The following CSMD1 variants were observed in gnomAD, a reference collection of about 807,000 sequenced individuals.
The protein encoded by CSMD1 is CUB and sushi domain-containing protein 1.
CSMD1 carries 213 observed loss-of-function variants against 417.5 expected under a neutral mutation model. The ratio of observed to expected loss-of-function variants is 0.51; its 90% CI spans 0.46 to 0.57. The LOEUF (loss-of-function observed/expected upper bound fraction) is 0.57. CSMD1 is among the 20% of genes least tolerant of loss of function. The pLI is 0.00. For synonymous variants in CSMD1, 2,862 were observed against 1,736.8 expected, an observed-to-expected ratio of 1.65 and a Z score of -16.11; for missense variants, 6,923 against 4,529.7, an observed-to-expected ratio of 1.53 and a Z score of -15.17.
At chr8:4,815,920 G>C (rs1799180743) in intron 1 of CSMD1, among the ~76,000 whole-genome samples, 1 of 152,072 alleles carries the variant, frequency 6.6e-6, no homozygotes, top group Non-Finnish European at 1.5e-5. Context: ...CTAGGAAGTA[G>C]ATTTTAAACC....
chr8:3,213,857 C>CATAT lies in CSMD1; in HGVS notation c.4867+636_4867+639dup, dbSNP rs34087160. Among the ~76,000 whole-genome samples, 1,130 of 146,142 alleles carry CATAT rather than the reference C, an allele frequency of 7.7e-3. 7 individuals are homozygous for CATAT. The highest frequency in any genetic ancestry group is 0.015 in the African/African-American group (579 of 39,916). The stretch of plus-strand genomic sequence containing the variant: ...ATGTGTGTGTGTGTATATACATACA[C>CATAT]ATATATATATATATATATGAGATGG... On this transcript the variant is annotated intron_variant, in intron 30 of 69. Transcript: ENST00000635120.
intron 3 of CSMD1, among the ~76,000 whole-genome samples, chr8:4,364,322 G>C (rs975240813): frequency 7.9e-5 from 12 of 152,198 alleles, no homozygotes; most frequent in African/African-American, 2.4e-4. Context: ...GATAAGACTA[G>C]GGCCCTTAAA....
At chr8:4,969,973 C>T (rs533727699) in intron 1 of CSMD1, among the ~76,000 whole-genome samples, 8 of 151,542 alleles carry the variant, frequency 5.3e-5, no homozygotes, top group South Asian at 2.1e-4. Context: ...ATTTTACATA[C>T]GTACCATGCC....
chr8:3,695,622 A>G (rs573220406), intron 7 of CSMD1, among the ~76,000 whole-genome samples: 2 of 152,318 alleles, frequency 1.3e-5, no homozygotes, highest in African/African-American at 2.4e-5. Flanking sequence ...GTGTTTCACA[A>G]AAGCATCCAG....
chr8:3,932,368 C>G (rs1810210116), intron 5 of CSMD1, among the ~76,000 whole-genome samples: 1 of 150,542 alleles, frequency 6.6e-6, no homozygotes, highest in Non-Finnish European at 1.5e-5. Context: ...TGAATATAGG[C>G]ACTTGGGTGT....
At chr8:4,930,112 G>A (rs1239600012) in intron 1 of CSMD1, among the ~76,000 whole-genome samples, 4 of 152,172 alleles carry the variant, frequency 2.6e-5, no homozygotes, top group African/African-American at 9.7e-5. Context: ...CACTGTTTTT[G>A]TGTGACCTTA....
At chr8:3,812,565 C>G (rs74885270) in intron 5 of CSMD1, among the ~76,000 whole-genome samples, 4 of 152,100 alleles carry the variant, frequency 2.6e-5, no homozygotes, top group African/African-American at 7.2e-5. Flanking sequence ...TCCTCGGAGA[C>G]CTTGCTTATG....
At chr8:3,272,393 A>C (rs1801934324) in intron 26 of CSMD1, among the ~76,000 whole-genome samples, 1 of 150,946 alleles carries the variant, frequency 6.6e-6, no homozygotes, top group Non-Finnish European at 1.5e-5. Flanking sequence ...CTTTTGGCTC[A>C]GGACTGACTT....
intron 59 of CSMD1, 49 bp downstream of exon 59, chr8:2,965,726 T>A: frequency 6.7e-7 from 1 of 1,501,254 alleles, no homozygotes; most frequent in Non-Finnish European, 9.1e-7. Flanking sequence ...CATAATTCAA[T>A]AAAGACTTCT....
chr8:4,310,893 A>G (rs7839568), intron 3 of CSMD1, among the ~76,000 whole-genome samples: 95,330 of 152,108 alleles, frequency 0.63, 30,806 homozygotes, highest in East Asian at 0.86. Flanking sequence ...CAACAAGCAT[A>G]TGAAAAAAAG....
intron 50 of CSMD1, among the ~76,000 whole-genome samples, chr8:3,033,740 CAT>C (rs1404879065): frequency 2.6e-5 from 4 of 152,128 alleles, no homozygotes; most frequent in Non-Finnish European, 5.9e-5. Flanking sequence ...ATGTTCTGCA[CAT>C]GATTCCCAGA....
chr8:4,303,791 G>A (rs774443147), intron 3 of CSMD1, among the ~76,000 whole-genome samples: 6 of 151,932 alleles, frequency 3.9e-5, no homozygotes, highest in Non-Finnish European at 7.4e-5. Flanking sequence ...GAGTAGCTGG[G>A]ACTACAGGCA....
At chr8:3,213,178 T>C (rs945092996) in intron 30 of CSMD1, among the ~76,000 whole-genome samples, 1 of 152,162 alleles carries the variant, frequency 6.6e-6, no homozygotes, top group Non-Finnish European at 1.5e-5. Context: ...GCCAGTAGCA[T>C]TGTTAGGCTG....
intron 2 of CSMD1, among the ~76,000 whole-genome samples, chr8:4,478,513 T>A (rs957893997): frequency 6.6e-6 from 1 of 152,168 alleles, no homozygotes; most frequent in Admixed American, 6.5e-5. Context: ...AGTAGATGTA[T>A]AAATCAAAGA....
intron 3 of CSMD1, among the ~76,000 whole-genome samples, chr8:4,406,394 T>C (rs11992011): frequency 6.6e-6 from 1 of 152,150 alleles, no homozygotes; most frequent in Admixed American, 6.6e-5. Flanking sequence ...AAACTCAACT[T>C]TTACTTCCCC....
At chr8:4,682,555 T>C (rs1806117247) in intron 1 of CSMD1, among the ~76,000 whole-genome samples, 1 of 152,104 alleles carries the variant, frequency 6.6e-6, no homozygotes, top group Non-Finnish European at 1.5e-5. Flanking sequence ...AACAGTTGTT[T>C]TAAAAACAGA....
chr8:4,653,580 T>C (rs1804043948), intron 1 of CSMD1, among the ~76,000 whole-genome samples: 2 of 152,114 alleles, frequency 1.3e-5, no homozygotes, highest in African/African-American at 4.8e-5. Flanking sequence ...TTTTGTGATT[T>C]ATGACATGCA....
intron 2 of CSMD1, among the ~76,000 whole-genome samples, chr8:4,461,375 G>A (rs539865268): frequency 2.6e-5 from 4 of 151,214 alleles, no homozygotes; most frequent in African/African-American, 9.7e-5. Flanking sequence ...AGTGATGCAG[G>A]AAATTTAAAG....
At chr8:4,119,081 GGA>G (rs1376583401) in intron 3 of CSMD1, among the ~76,000 whole-genome samples, 5 of 151,876 alleles carry the variant, frequency 3.3e-5, no homozygotes, top group South Asian at 2.1e-4. Flanking sequence ...TCACACACAG[GGA>G]CCTGTCAGTG....
Sources: allele counts gnomAD v4.1 joint callset (sites outside exome capture counted in the v4.1 genomes callset), GRCh38; gene constraint gnomAD v4.1.1; transcripts MANE v1.5; gene names NCBI Gene and HGNC (gene_info 2026-07-23, HGNC 2026-07-21).